Variants in BCOR observed in about 807,000 individuals in gnomAD.
BCOR encodes the protein BCL-6 corepressor.
In BCOR, 10 loss-of-function variants were observed where a neutral mutation model predicts 86.7. That is an observed-to-expected ratio of 0.12 (90% CI 0.07 to 0.20). The LOEUF (loss-of-function observed/expected upper bound fraction) is 0.20, where lower values mean the gene tolerates loss of function less well. Among genes scored for constraint, BCOR ranks in the 10% least tolerant of loss-of-function variants. BCOR has a pLI of 1.00. For missense variants in BCOR, 1,259 were observed against 1,452.1 expected, an observed-to-expected ratio of 0.87 and a Z score of 2.16; for synonymous variants, 611 against 609.0, an observed-to-expected ratio of 1.00 and a Z score of -0.05.
chrX:40,062,771 T>G lies in BCOR; in HGVS notation c.4148A>C (p.Tyr1383Ser). 3 of 1,211,080 alleles carry G rather than the reference T, an allele frequency of 2.5e-6. No homozygotes were observed. Among genetic ancestry groups the G allele is most frequent in the Non-Finnish European group, 3.4e-6 (3 of 895,080 alleles). Residue 1383 changes from tyrosine to serine, a missense_variant, in exon 9 of 15, where the codon TAC (tyrosine) becomes TCC (serine). Coordinates refer to ENST00000378444, the MANE Select transcript of BCOR (RefSeq NM_001123385.2). ...CTTGCCATCGGCATTCTCCACGTAG[T>G]ATTCCCCTGTCAGTGGCAATCCCCG... ...SRRGLPLTGE[Y>S]YVENADGKVT...
chrX:40,057,396 T>C, intron 10 of BCOR, 75 bp from the exon 11 acceptor site: 1 of 1,047,743 alleles, frequency 9.5e-7, no homozygotes, highest in South Asian at 2.0e-5. Context: ...TCTGTAGCTT[T>C]CAAAGACATA....
chrX:40,140,426 T>C (rs1937896812), intron 1 of BCOR, among the ~76,000 whole-genome samples: 1 of 111,323 alleles, frequency 9.0e-6, no homozygotes, highest in Non-Finnish European at 1.9e-5. Flanking sequence ...ATCACCTCAC[T>C]GCACTACAGC....
At chrX:40,108,329 C>T (rs1201760163) in intron 1 of BCOR, among the ~76,000 whole-genome samples, 1 of 113,331 alleles carries the variant, frequency 8.8e-6, no homozygotes, top group Non-Finnish European at 1.9e-5. Flanking sequence ...CCCCCGCTCT[C>T]TTGGCCTACT....
chrX:40,133,526 C>G (rs990547521), intron 1 of BCOR, among the ~76,000 whole-genome samples: 2 of 109,940 alleles, frequency 1.8e-5, no homozygotes, highest in African/African-American at 6.6e-5. Context: ...GTGGCGCTAC[C>G]TCGGCTCACT....
intron 10 of BCOR, among the ~76,000 whole-genome samples, chrX:40,058,087 C>T (rs1934688990): frequency 8.9e-6 from 1 of 112,351 alleles, no homozygotes; most frequent in Non-Finnish European, 1.9e-5. Context: ...ACACCACATA[C>T]CACAACCTAC....
chrX:40,092,611 C>A (rs1216388311), intron 1 of BCOR, among the ~76,000 whole-genome samples: 1 of 111,798 alleles, frequency 8.9e-6, no homozygotes, highest in Non-Finnish European at 1.9e-5. Flanking sequence ...TTCCTACTGA[C>A]CACAAAGTGG....
At chrX:40,121,843 G>C (rs924645205) in intron 1 of BCOR, among the ~76,000 whole-genome samples, 2 of 112,467 alleles carry the variant, frequency 1.8e-5, no homozygotes, top group Non-Finnish European at 3.8e-5. Context: ...CTGAGGAAGA[G>C]AAGGACAGCC....
At chrX:40,149,578 C>G (rs1477268425) in intron 1 of BCOR, among the ~76,000 whole-genome samples, 1 of 111,634 alleles carries the variant, frequency 9.0e-6, no homozygotes, top group Non-Finnish European at 1.9e-5. Context: ...CTAGGCTCTA[C>G]TAGCTTTGAG....
At chrX:40,112,831 TAGAG>T (rs1937333260) in intron 1 of BCOR, among the ~76,000 whole-genome samples, 1 of 111,235 alleles carries the variant, frequency 9.0e-6, no homozygotes, top group African/African-American at 3.3e-5. Context: ...GTCTCTTAGA[TAGAG>T]AAGAGCTTTT....
intron 11 of BCOR, among the ~76,000 whole-genome samples, chrX:40,056,384 G>A (rs1934601000): frequency 9.3e-6 from 1 of 107,942 alleles, no homozygotes; most frequent in Non-Finnish European, 1.9e-5. Flanking sequence ...ACCTCACACA[G>A]ATCAGTGATT....
chrX:40,080,394 T>C (rs1265458363), intron 1 of BCOR, among the ~76,000 whole-genome samples: 2 of 110,661 alleles, frequency 1.8e-5, no homozygotes, highest in African/African-American at 3.3e-5. Flanking sequence ...TGAGCCGAGA[T>C]CGCACCATTG....
At chrX:40,140,139 C>T (rs1391083077) in intron 1 of BCOR, among the ~76,000 whole-genome samples, 2 of 109,441 alleles carry the variant, frequency 1.8e-5, no homozygotes, top group Non-Finnish European at 1.9e-5. Flanking sequence ...AGAAACACAC[C>T]ATCAGACCTT....
chrX:40,083,324 T>C (rs1158837828), intron 1 of BCOR, among the ~76,000 whole-genome samples: 2 of 99,258 alleles, frequency 2.0e-5, no homozygotes, highest in East Asian at 3.2e-4. Context: ...CCCGAGAGAG[T>C]TGGGGGTGAG....
chrX:40,096,352 A>G (rs1936868505), intron 1 of BCOR, among the ~76,000 whole-genome samples: 1 of 110,851 alleles, frequency 9.0e-6, no homozygotes. Context: ...CTGGGGGCTC[A>G]TAACTTAAAA....
intron 1 of BCOR, among the ~76,000 whole-genome samples, chrX:40,158,384 G>T (rs1938343592): frequency 8.9e-6 from 1 of 111,926 alleles, no homozygotes; most frequent in Non-Finnish European, 1.9e-5. Flanking sequence ...GGACCGCGGA[G>T]CCGCAGGCTG....
chrX:40,147,157 C>G (rs1938076500), intron 1 of BCOR, among the ~76,000 whole-genome samples: 1 of 111,340 alleles, frequency 9.0e-6, no homozygotes, highest in Non-Finnish European at 1.9e-5. Context: ...TCTGGATACC[C>G]TCGTCCCAGC....
intron 1 of BCOR, among the ~76,000 whole-genome samples, chrX:40,118,643 C>T (rs760212143): frequency 8.9e-6 from 1 of 112,007 alleles, no homozygotes; most frequent in Admixed American, 9.5e-5. Flanking sequence ...GCATCTTCCA[C>T]TTTTGTATCC....
At chrX:40,090,459 G>A (rs954848096) in intron 1 of BCOR, among the ~76,000 whole-genome samples, 35 of 112,465 alleles carry the variant, frequency 3.1e-4, no homozygotes, top group African/African-American at 1.1e-3. Context: ...GGGGAGGGGC[G>A]GGGCGGGGCG....
intron 1 of BCOR, among the ~76,000 whole-genome samples, chrX:40,087,558 G>A (rs1280669574): frequency 8.9e-6 from 1 of 112,160 alleles, no homozygotes; most frequent in Non-Finnish European, 1.9e-5. Context: ...GCTGAGACCA[G>A]ACATATCACA....
Sources: gnomAD v4.1 joint callset for allele counts (sites outside exome capture counted in the v4.1 genomes callset) on GRCh38, gnomAD v4.1.1 for gene constraint, MANE v1.5 for transcripts, NCBI Gene and HGNC (gene_info 2026-07-23, HGNC 2026-07-21) for gene names.